The following NCAM2 variants were observed in gnomAD, a reference collection of about 807,000 sequenced individuals.
The protein encoded by NCAM2 is neural cell adhesion molecule 2.
Under a neutral mutation model 98.1 loss-of-function variants are expected in NCAM2, and 30 were observed. The observed-to-expected ratio is 0.31, with a 90% confidence interval of 0.23 to 0.41. The LOEUF is 0.41. Ranked by LOEUF, NCAM2 falls within the 10% of genes least tolerant of loss-of-function variation. NCAM2 has a pLI of 1.00. For synonymous variants in NCAM2, 368 were observed against 342.4 expected, an observed-to-expected ratio of 1.07 and a Z score of -0.83; for missense variants, 867 against 1,005.8, an observed-to-expected ratio of 0.86 and a Z score of 1.87.
chr21:21,446,111 G>A (rs1980096571), intron 12 of NCAM2, among the ~76,000 whole-genome samples: 1 of 152,066 alleles, frequency 6.6e-6, no homozygotes, highest in South Asian at 2.1e-4. Flanking sequence ...GGCCGGGTAT[G>A]AAATTCTGCA....
At chr21:21,202,061 T>C (rs993650005) in intron 1 of NCAM2, among the ~76,000 whole-genome samples, 1 of 152,174 alleles carries the variant, frequency 6.6e-6, no homozygotes, top group African/African-American at 2.4e-5. Flanking sequence ...GCACAAGCCT[T>C]ACAGGACCTT....
intron 15 of NCAM2, among the ~76,000 whole-genome samples, chr21:21,487,033 G>A (rs1986449385): frequency 6.6e-6 from 1 of 152,056 alleles, no homozygotes; most frequent in African/African-American, 2.4e-5. Context: ...TATTCTCAGA[G>A]ATGGTAAAAT....
intron 3 of NCAM2, among the ~76,000 whole-genome samples, chr21:21,284,784 G>C (rs2073046978): frequency 6.6e-6 from 1 of 151,286 alleles, no homozygotes; most frequent in African/African-American, 2.4e-5. Context: ...GACCATTGTA[G>C]AATGAGAATC....
At chr21:21,360,302 G>A (rs987153604) in intron 8 of NCAM2, among the ~76,000 whole-genome samples, 1 of 151,842 alleles carries the variant, frequency 6.6e-6, no homozygotes, top group African/African-American at 2.4e-5. Context: ...AAGATCAACC[G>A]TATGTTTAGT....
At chr21:21,020,012 C>A (rs1385941808) in intron 1 of NCAM2, among the ~76,000 whole-genome samples, 2 of 151,956 alleles carry the variant, frequency 1.3e-5, no homozygotes, top group Admixed American at 1.3e-4. Context: ...ACTTCAGTTT[C>A]TTTTCTTTTT....
At chr21:21,364,310 C>A (rs1412136740) in intron 8 of NCAM2, among the ~76,000 whole-genome samples, 1 of 151,758 alleles carries the variant, frequency 6.6e-6, no homozygotes, top group Non-Finnish European at 1.5e-5. Context: ...AACAAGACAG[C>A]CTGAGGATCA....
chr21:21,319,961 G>A (rs1241423106), intron 5 of NCAM2, among the ~76,000 whole-genome samples: 1 of 152,100 alleles, frequency 6.6e-6, no homozygotes, highest in Non-Finnish European at 1.5e-5. Context: ...AATGCCAATG[G>A]AACCTTTTTT....
intron 8 of NCAM2, among the ~76,000 whole-genome samples, chr21:21,349,875 A>G (rs1015905245): frequency 2.0e-5 from 3 of 152,170 alleles, no homozygotes; most frequent in African/African-American, 4.8e-5. Flanking sequence ...AATCAAAACA[A>G]TTGAACTCAA....
At chr21:21,008,257 A>G (rs2064146515) in intron 1 of NCAM2, among the ~76,000 whole-genome samples, 1 of 152,164 alleles carries the variant, frequency 6.6e-6, no homozygotes, top group African/African-American at 2.4e-5. Flanking sequence ...GCTCTTTATC[A>G]TACTATTTAG....
At chr21:21,197,927 A>C (rs2069063221) in intron 1 of NCAM2, among the ~76,000 whole-genome samples, 1 of 152,088 alleles carries the variant, frequency 6.6e-6, no homozygotes, top group South Asian at 2.1e-4. Flanking sequence ...ACTGAGTTTG[A>C]ATGTTGCCTT....
chr21:21,522,544 C>T (rs1367265086), intron 16 of NCAM2, among the ~76,000 whole-genome samples: 1 of 150,928 alleles, frequency 6.6e-6, no homozygotes, highest in Non-Finnish European at 1.5e-5. Flanking sequence ...TATCCTTTCT[C>T]AGACAAACAA....
At chr21:21,170,823 G>A (rs147101383) in intron 1 of NCAM2, among the ~76,000 whole-genome samples, 1 of 132,524 alleles carries the variant, frequency 7.5e-6, no homozygotes, top group African/African-American at 2.6e-5. Context: ...TGTGGCATAG[G>A]GTGTTCCTAG....
intron 1 of NCAM2, among the ~76,000 whole-genome samples, chr21:21,259,020 G>A (rs978015713): frequency 1.3e-5 from 2 of 152,110 alleles, no homozygotes; most frequent in African/African-American, 4.8e-5. Context: ...ATTGTGCCTT[G>A]CCCCATTCAT....
chr21:21,006,554 C>T (rs2064117261), intron 1 of NCAM2, among the ~76,000 whole-genome samples: 1 of 152,082 alleles, frequency 6.6e-6, no homozygotes, highest in Admixed American at 6.6e-5. Flanking sequence ...ATGATTTTCT[C>T]CACTCATTAA....
chr21:21,074,185 T>A (rs2065630558), intron 1 of NCAM2, among the ~76,000 whole-genome samples: 1 of 152,110 alleles, frequency 6.6e-6, no homozygotes, highest in South Asian at 2.1e-4. Context: ...TTTCTGTCCG[T>A]CATATAGTAC....
In NCAM2 at chr21:21,538,195, C is replaced by G. The variant is rs2146439503; in HGVS notation, c.*238C>G. 3.6e-6 allele frequency: 1 copy of G among 274,980 alleles called. No homozygotes were observed. The highest frequency in any genetic ancestry group is 6.3e-5 in the East Asian group (1 of 15,774). 17.0% of individuals were successfully genotyped at this position (274,980 alleles called of 1,614,324 possible). On this transcript the variant is annotated 3_prime_UTR_variant, in exon 18 of 18. Coordinates refer to ENST00000400546, the MANE Select transcript of NCAM2 (RefSeq NM_004540.5). ...ATTTCAATATCAAGACTGACTGGCA[C>G]CAACACTTTGGTATTCAATTTGATT...
intron 5 of NCAM2, among the ~76,000 whole-genome samples, chr21:21,316,666 C>T (rs981618858): frequency 2.0e-5 from 3 of 151,064 alleles, no homozygotes; most frequent in African/African-American, 7.3e-5. Context: ...GCCTCAGCCT[C>T]CCAAGTTGCT....
intron 1 of NCAM2, among the ~76,000 whole-genome samples, chr21:21,049,261 C>T (rs1161650600): frequency 6.6e-6 from 1 of 151,246 alleles, no homozygotes; most frequent in African/African-American, 2.4e-5. Flanking sequence ...CCTCATGATC[C>T]ACCCGCCTCG....
intron 1 of NCAM2, among the ~76,000 whole-genome samples, chr21:21,036,310 T>TGC (rs2064795793): frequency 6.6e-6 from 1 of 152,164 alleles, no homozygotes; most frequent in African/African-American, 2.4e-5. Flanking sequence ...ACTCAAGGAC[T>TGC]TAATAAACAC....
Sources: gnomAD v4.1 joint callset for allele counts (sites outside exome capture counted in the v4.1 genomes callset) on GRCh38, gnomAD v4.1.1 for gene constraint, MANE v1.5 for transcripts, NCBI Gene and HGNC (gene_info 2026-07-23, HGNC 2026-07-21) for gene names.